The following OPA1 variants were observed in gnomAD, a reference collection of about 807,000 sequenced individuals.
The protein encoded by OPA1 is dynamin-like GTPase OPA1, mitochondrial.
OPA1 carries 59 observed loss-of-function variants against 152.9 expected under a neutral mutation model. The ratio of observed to expected loss-of-function variants is 0.39; its 90% CI spans 0.31 to 0.48. The LOEUF is 0.48. Ranked by LOEUF, OPA1 falls within the 20% of genes least tolerant of loss-of-function variation. The pLI, the probability that OPA1 is intolerant of heterozygous loss-of-function variation, is 0.96. For synonymous variants in OPA1, 400 were observed against 389.9 expected (o/e 1.03, Z -0.31); for missense variants, 1,008 against 1,216.8 (o/e 0.83, Z 2.55).
rs1722096824 is a variant in OPA1 at position 193,694,671 on chromosome 3, C to T, written c.*71C>T. Reference sequence around the variant, plus strand: ...AAAACATCAACGTCTTTTGTCCAGCCTCTTTTTCTTCTGCTGTTCCACCTT... The same window carrying T: ...AAAACATCAACGTCTTTTGTCCAGCTTCTTTTTCTTCTGCTGTTCCACCTT... On this transcript the variant is annotated 3_prime_UTR_variant, in exon 31 of 31. Coordinates refer to ENST00000361510, the MANE Select transcript of OPA1 (RefSeq NM_130837.3). 1 of 152,184 alleles carries T rather than the reference C, an allele frequency of 6.6e-6. No homozygotes were observed. The highest frequency in any genetic ancestry group is 1.5e-5 in the Non-Finnish European group (1 of 68,034). The allele number at this position is 152,184 out of a possible 1,614,324, so 9.4% of individuals were successfully genotyped here.
At chr3:193,654,417 G>A (rs1713283117) in intron 21 of OPA1, among the ~76,000 whole-genome samples, 1 of 151,756 alleles carries the variant, frequency 6.6e-6, no homozygotes, top group Non-Finnish European at 1.5e-5. Context: ...GATGGCTTGA[G>A]CCCAGGAGGT....
chr3:193,599,977 G>T (rs931989234), intron 1 of OPA1, among the ~76,000 whole-genome samples: 4 of 152,210 alleles, frequency 2.6e-5, no homozygotes, highest in African/African-American at 9.7e-5. Context: ...TGAACACTCA[G>T]CAGTCTATGA....
chr3:193,600,920 C>T (rs888347096), intron 1 of OPA1, among the ~76,000 whole-genome samples: 1 of 152,122 alleles, frequency 6.6e-6, no homozygotes, highest in Non-Finnish European at 1.5e-5. Flanking sequence ...CAGTATCAGC[C>T]ACCTTTTAAA....
intron 2 of OPA1, 120 bp downstream of exon 2, chr3:193,615,161 A>G: frequency 2.5e-6 from 2 of 796,408 alleles, no homozygotes; most frequent in Admixed American, 2.0e-5. Flanking sequence ...TTGTGTCTCT[A>G]CCATGGACTA....
In OPA1 at chr3:193,667,233, A is replaced by T; in HGVS notation, c.2936A>T (p.Lys979Met). Residue 979 changes from lysine to methionine, a missense_variant, in exon 29 of 31, where the codon AAG (lysine) becomes ATG (methionine). This residue lies in a region of OPA1 where 137 missense variants were observed against 171.0 expected (regional missense o/e 0.80). Coordinates refer to ENST00000361510, the MANE Select transcript of OPA1 (RefSeq NM_130837.3). Reference sequence around the variant, plus strand: ...GATTTTGCTGAAGATGGTGAGAAGAAGATTAAATTGCTTACTGGTAAACGC... The same window carrying T: ...GATTTTGCTGAAGATGGTGAGAAGATGATTAAATTGCTTACTGGTAAACGC... Reference protein sequence around the residue: ...LEDFAEDGEKKIKLLTGKRVQ... With the variant: ...LEDFAEDGEKMIKLLTGKRVQ... The T allele has an allele frequency of 6.2e-7, 1 of 1,608,626 alleles. No homozygotes were observed. Among genetic ancestry groups the T allele is most frequent in the Non-Finnish European group, 8.5e-7 (1 of 1,174,962 alleles).
intron 25 of OPA1, among the ~76,000 whole-genome samples, chr3:193,660,491 A>G (rs945428712): frequency 5.3e-5 from 8 of 152,196 alleles, no homozygotes; most frequent in African/African-American, 1.7e-4. Context: ...GAGGAGACAA[A>G]GGGAATAAAA....
chr3:193,640,461 A>G lies in OPA1; in HGVS notation c.1150-2304A>G, dbSNP rs191941203. ...AGGTGAACATAGAAACCAGTCGTTG[A>G]GTTCACCAGTGGAGGCAAGAAAGGG... On this transcript the variant is annotated intron_variant, in intron 11 of 30. Coordinates refer to ENST00000361510, the MANE Select transcript of OPA1 (RefSeq NM_130837.3). 1.2e-4 allele frequency among the ~76,000 whole-genome samples: 18 copies of G among 152,352 alleles called. 1 individual carries two copies. In the Middle Eastern group the frequency reaches 0.02, roughly 173 times the overall value.
In OPA1 at chr3:193,644,060, G is replaced by T; in HGVS notation, c.1563G>T (p.Leu521Phe). The change falls in exon 16 of 31, where the codon TTG (leucine) becomes TTT (phenylalanine). Residue 521 changes from leucine to phenylalanine, a missense_variant. Coordinates refer to ENST00000361510, the MANE Select transcript of OPA1 (RefSeq NM_130837.3). Reference sequence around the variant, plus strand: ...ATGGAAGGAGAACCATATTCGTTTTGACCAAAGTAGACCTGGCAGAGAAAA... The same window carrying T: ...ATGGAAGGAGAACCATATTCGTTTTTACCAAAGTAGACCTGGCAGAGAAAA... The part of the protein sequence containing the change: ...DPHGRRTIFV[L>F]TKVDLAEKNV... 1 of 1,613,656 alleles carries T rather than the reference G, an allele frequency of 6.2e-7. No homozygotes were observed. Among genetic ancestry groups the T allele is most frequent in the South Asian group, 1.1e-5 (1 of 91,008 alleles).
chr3:193,635,989 G>A (rs1389328807), intron 9 of OPA1, among the ~76,000 whole-genome samples: 2 of 152,144 alleles, frequency 1.3e-5, no homozygotes, highest in African/African-American at 4.8e-5. Context: ...GAAAAAGTGT[G>A]TGCTGGTATT....
At chr3:193,615,915 C>G in intron 3 of OPA1, 145 bp downstream of exon 3, 1 of 647,512 alleles carries the variant, frequency 1.5e-6, no homozygotes, top group East Asian at 2.7e-5. Context: ...ATGAAAAAAT[C>G]TGTATAAAAG....
In OPA1 at chr3:193,615,766, T is replaced by G; in HGVS notation, c.444T>G (p.Asp148Glu). 1 of 1,594,864 alleles carries G rather than the reference T, an allele frequency of 6.3e-7. No homozygotes were observed. Among genetic ancestry groups the G allele is most frequent in the Non-Finnish European group, 8.6e-7 (1 of 1,162,568 alleles). ...TGTGGGAAATTGATGAGTATATCGA[T>G]TTTGGTTTGTATCATGAACATTAAA... ...DIVWEIDEYIDFEKIRKALPS... is the reference protein window; with the variant it reads ...DIVWEIDEYIEFEKIRKALPS... Residue 148 changes from aspartate to glutamate, a missense_variant, in exon 3 of 31, where the codon GAT becomes GAG. Physicochemically the swap from Asp to Glu is conservative, Grantham distance 45. Around this residue, in one of 7 missense-constraint regions of OPA1, gnomAD observed 408 missense variants for 395.1 expected, o/e 1.03. Transcript: ENST00000361510.
chr3:193,663,099 G>T lies in OPA1; in HGVS notation c.2661+137G>T. The T allele has an allele frequency of 6.2e-6, 5 of 806,376 alleles. No individual in the cohort carries two copies. In the South Asian group the frequency reaches 8.4e-5, roughly 14 times the overall value. The allele number at this position is 806,376 out of a possible 1,614,324, so 50.0% of individuals were successfully genotyped here. On this transcript the variant is annotated intron_variant, in intron 26 of 30. Coordinates refer to ENST00000361510, the MANE Select transcript of OPA1 (RefSeq NM_130837.3). ...ACGTGTACATTTGCTGACAGTAAAA[G>T]CTTAGTCATTTTGATTGCGTGAAGA...
At chr3:193,678,587 A>G (rs1275135586) in intron 29 of OPA1, among the ~76,000 whole-genome samples, 1 of 151,784 alleles carries the variant, frequency 6.6e-6, no homozygotes, top group Non-Finnish European at 1.5e-5. Context: ...ATTTTTTTTC[A>G]TTTTCTTCAT....
intron 19 of OPA1, 53 bp downstream of exon 19, chr3:193,647,233 C>A: frequency 2.7e-6 from 3 of 1,101,294 alleles, no homozygotes; most frequent in Non-Finnish European, 4.1e-6. Context: ...TATTAGCTGG[C>A]AATCTTTGGC....
In OPA1 at chr3:193,666,404, G is replaced by A; in HGVS notation, c.2872+15G>A. ...AAATACTGAAGGTAAGCCACATAGG[G>A]ACTGCAGTCTTATTTTGACATTAAA... On this transcript the variant is annotated intron_variant, in intron 28 of 30. Coordinates refer to ENST00000361510, the MANE Select transcript of OPA1 (RefSeq NM_130837.3). 2 of 1,574,926 alleles carry A rather than the reference G, an allele frequency of 1.3e-6. No homozygotes were observed. Among genetic ancestry groups the A allele is most frequent in the Non-Finnish European group, 1.7e-6 (2 of 1,144,374 alleles).
At chr3:193,627,891 A>C (rs1404342270) in intron 7 of OPA1, among the ~76,000 whole-genome samples, 1 of 152,070 alleles carries the variant, frequency 6.6e-6, no homozygotes, top group Non-Finnish European at 1.5e-5. Context: ...AAGACTTTTT[A>C]CCCTGAGTAG....
intron 3 of OPA1, among the ~76,000 whole-genome samples, chr3:193,616,354 G>A (rs1473062657): frequency 3.3e-5 from 5 of 152,156 alleles, no homozygotes; most frequent in Middle Eastern, 3.4e-3. Context: ...TACTACCACA[G>A]AATAGTATTT....
intron 30 of OPA1, among the ~76,000 whole-genome samples, chr3:193,693,718 T>G (rs979401155): frequency 1.9e-4 from 29 of 152,254 alleles, no homozygotes; most frequent in Non-Finnish European, 2.9e-4. Flanking sequence ...ACATAATTTT[T>G]GTGTTTTATA....
intron 1 of OPA1, among the ~76,000 whole-genome samples, chr3:193,608,252 A>G (rs1341792706): frequency 1.2e-4 from 19 of 152,120 alleles, no homozygotes; most frequent in Non-Finnish European, 1.2e-4. Context: ...TGGCTTTTGA[A>G]TGTGTTTGCT....
Sources: gnomAD v4.1 joint callset for allele counts (sites outside exome capture counted in the v4.1 genomes callset) on GRCh38, gnomAD v4.1.1 for gene constraint, gnomAD v4.1.1 regional missense constraint, MANE v1.5 for transcripts, NCBI Gene and HGNC (gene_info 2026-07-23, HGNC 2026-07-21) for gene names.